Variants in TST observed in about 807,000 individuals in gnomAD.
TST encodes the protein epididymis secretory sperm binding protein.
In TST, 22 loss-of-function variants were observed where a neutral mutation model predicts 20.4. That is an observed-to-expected ratio of 1.08 (90% CI 0.77 to 1.54). The LOEUF is 1.54. TST is among the 40% of genes most tolerant of loss of function. The pLI is 0.00. For missense variants in TST, 392 were observed against 405.2 expected, an observed-to-expected ratio of 0.97 and a Z score of 0.28; for synonymous variants, 187 against 173.8, an observed-to-expected ratio of 1.08 and a Z score of -0.60.
At position 37,018,737 on chromosome 22, in the gene TST, T is replaced by G. The variant is rs776282563; in HGVS notation, c.-5A>C. On this transcript the variant is annotated 5_prime_UTR_variant, in exon 2 of 3. Coordinates refer to ENST00000249042, the MANE Select transcript of TST (RefSeq NM_003312.6). ...GTAGAGCACCTGATGAACCATGGCT[T>G]CAGCTCTGCGTGTCACCTGGCACGG... 1.4e-6 allele frequency: 2 copies of G among 1,479,004 alleles called. No individual in the cohort carries two copies. Among genetic ancestry groups the G allele is most frequent in the Non-Finnish European group, 1.8e-6 (2 of 1,120,918 alleles). 91.6% of individuals were successfully genotyped at this position (1,479,004 alleles called of 1,614,324 possible).
chr22:37,011,427 G>T, intron 2 of TST, 102 bp from the exon 3 acceptor site: 1 of 1,284,208 alleles, frequency 7.8e-7, no homozygotes, highest in Non-Finnish European at 1.1e-6. Flanking sequence ...AGATAGCTTT[G>T]CAAATAAAAA....
intron 2 of TST, among the ~76,000 whole-genome samples, chr22:37,013,801 T>C (rs1409344813): frequency 1.3e-5 from 2 of 151,412 alleles, no homozygotes; most frequent in Non-Finnish European, 1.5e-5. Flanking sequence ...GTTTCCACAG[T>C]GGGCTGGATT....
Position 37,011,188 on chromosome 22 carries a change from T to C in TST, c.733A>G (p.Ile245Val), listed in dbSNP as rs1922462385. 6.2e-7 allele frequency: 1 copy of C among 1,613,800 alleles called. No individual in the cohort carries two copies. The highest frequency in any genetic ancestry group is 8.5e-7 in the Non-Finnish European group (1 of 1,180,004). ...TKKVDLSQPL[I>V]ATCRKGVTAC... is the part of the protein sequence containing the mutation. ...GTGACTCCCTTGCGGCACGTGGCAA[T>C]GAGAGGCTGCGAGAGATCCACCTTC... Residue 245 changes from isoleucine (I) to valine (V), a missense_variant, in exon 3 of 3, where the codon ATT becomes GTT. By Grantham distance (29) the Ile-to-Val change is conservative (BLOSUM62 3). Transcript: ENST00000249042.
At chr22:37,012,965 CTG>C (rs1922535316) in intron 2 of TST, among the ~76,000 whole-genome samples, 1 of 152,054 alleles carries the variant, frequency 6.6e-6, no homozygotes, top group Non-Finnish European at 1.5e-5. Flanking sequence ...ACGCTTGAAC[CTG>C]TGAGGCGGAG....
At chr22:37,013,222 C>T (rs1922546808) in intron 2 of TST, 1 of 152,168 alleles carries the variant, frequency 6.6e-6, no homozygotes, top group South Asian at 2.1e-4. Flanking sequence ...TAGTACAAGT[C>T]GAGTTTGATT....
rs772443293 is a variant in TST, at chr22:37,018,178, T to C, written c.555A>G (p.Gln185=). The C allele has an allele frequency of 1.3e-6, 2 of 1,598,326 alleles. No homozygotes were observed. The highest frequency in any genetic ancestry group is 1.7e-6 in the Non-Finnish European group (2 of 1,170,428). Residue 185 remains glutamine, a synonymous_variant, in exon 2 of 3, where the codon CAA becomes CAG. Coordinates refer to ENST00000249042, the MANE Select transcript of TST (RefSeq NM_003312.6). ...CCGGCTCGGTGCCCAGGAACCGCCCTTGAGACCTTGAATCCACCAGCTGGA... is the reference window on the plus strand; with the variant it reads ...CCGGCTCGGTGCCCAGGAACCGCCCCTGAGACCTTGAATCCACCAGCTGGA... ...KRFQLVDSRS[Q]GRFLGTEPEP...
At position 37,011,327 on chromosome 22, in the gene TST, T is replaced by A; in HGVS notation, c.596-2A>T. On this transcript the variant is annotated splice_acceptor_variant, in intron 2 of 2. Coordinates refer to ENST00000249042, the MANE Select transcript of TST (RefSeq NM_003312.6). LOFTEE classifies it high-confidence loss of function. Reference sequence around the variant, plus strand: ...CACGGATATGGCCCGAGTCCAGTCCTGGGCAGGGCAGAGGACACAGCTTAG... The same window carrying A: ...CACGGATATGGCCCGAGTCCAGTCCAGGGCAGGGCAGAGGACACAGCTTAG... 6.2e-7 allele frequency: 1 copy of A among 1,609,298 alleles called. No individual in the cohort carries two copies. Among genetic ancestry groups the A allele is most frequent in the Non-Finnish European group, 8.5e-7 (1 of 1,176,558 alleles).
At chr22:37,015,020 C>T (rs1174660954) in intron 2 of TST, among the ~76,000 whole-genome samples, 8 of 152,142 alleles carry the variant, frequency 5.3e-5, no homozygotes, top group Admixed American at 5.2e-4. Flanking sequence ...CCGGGAGCCA[C>T]ACCATGGAGC....
chr22:37,019,631 G>C (rs1922892824), upstream of TST: 1 of 296,772 alleles, frequency 3.4e-6, no homozygotes, highest in Non-Finnish European at 6.2e-6. Context: ...GGGGACGCCG[G>C]GTGGCGCGGG....
At chr22:37,018,048 C>T (rs758172534) in intron 2 of TST, 90 bp downstream of exon 2, 62 of 999,098 alleles carry the variant, frequency 6.2e-5, no homozygotes, top group Non-Finnish European at 8.4e-5. Flanking sequence ...AGGCATGGGA[C>T]GGACCCTGGA....
chr22:37,019,822 C>G (rs1348203489), upstream of TST: 7 of 1,193,024 alleles, frequency 5.9e-6, no homozygotes, highest in African/African-American at 1.1e-4. Flanking sequence ...GAGGGGGCGC[C>G]GCGCCGCGGG....
rs1001675143 is a variant in TST at position 37,018,682 on chromosome 22, C to G, written c.51G>C (p.Ala17=). ...CCAGCTTGCCAGTCCTGATGGACTC[C>G]GCCAGCCACTTGGTGGAGACCAGCG... is the stretch of plus-strand genomic sequence containing the variant. ...YRALVSTKWL[A]ESIRTGKLGP... Residue 17 remains alanine (A), a synonymous_variant, in exon 2 of 3, where the codon GCG becomes GCC. Coordinates refer to ENST00000249042, the MANE Select transcript of TST (RefSeq NM_003312.6). 1 of 1,530,104 alleles carries G rather than the reference C, an allele frequency of 6.5e-7. No homozygotes were observed. The highest frequency in any genetic ancestry group is 8.8e-7 in the Non-Finnish European group (1 of 1,140,894). The allele number at this position is 1,530,104 out of a possible 1,614,324, so 94.8% of individuals were successfully genotyped here. A position where few individuals can be genotyped will look rare whatever the true frequency, so the allele number is the denominator to read the frequency against.
In TST at chr22:37,018,179, T is replaced by G. The variant is rs773761737; in HGVS notation, c.554A>C (p.Gln185Pro). ...KRFQLVDSRS[Q>P]GRFLGTEPEP... ...CGGCTCGGTGCCCAGGAACCGCCCTTGAGACCTTGAATCCACCAGCTGGAA... is the reference window on the plus strand; with the variant it reads ...CGGCTCGGTGCCCAGGAACCGCCCTGGAGACCTTGAATCCACCAGCTGGAA... The change falls in exon 2 of 3, where the codon CAA becomes CCA. Residue 185 changes from glutamine (Q) to proline (P), a missense_variant. Physicochemically the swap from Gln to Pro is moderately conservative, Grantham distance 76. Transcript: ENST00000249042. 3.8e-6 allele frequency: 6 copies of G among 1,599,050 alleles called. No homozygotes were observed. The African/African-American group carries it at 6.7e-5, about 18-fold the overall frequency.
intron 2 of TST, among the ~76,000 whole-genome samples, chr22:37,016,187 C>T (rs1246656832): frequency 1.3e-5 from 2 of 151,920 alleles, no homozygotes; most frequent in African/African-American, 4.8e-5. Context: ...GCTCATGATC[C>T]GCCCACCTTG....
chr22:37,018,283 C>T lies in TST; in HGVS notation c.450G>A (p.Pro150=), dbSNP rs762920838. The change falls in exon 2 of 3, where the codon CCG becomes CCA. Residue 150 remains proline, a synonymous_variant. Transcript: ENST00000249042. The part of the protein sequence containing the change: ...PVTSEPSRPE[P]AVFKATLDRS... The stretch of plus-strand genomic sequence containing the variant: ...GGTCCAGTGTGGCTTTGAAGACGGC[C>T]GGTTCTGGGCGTGAGGGCTCGGATG... 4 of 1,614,064 alleles carry T rather than the reference C, an allele frequency of 2.5e-6. No homozygotes were observed. The highest frequency in any genetic ancestry group is 2.2e-5 in the South Asian group (2 of 91,086).
upstream of TST, chr22:37,019,716 G>A: frequency 2.3e-6 from 1 of 425,762 alleles, no homozygotes; most frequent in Non-Finnish European, 3.9e-6. Flanking sequence ...GGCAGCAGCG[G>A]CTCCGAGTGG....
chr22:37,011,777 G>A (rs1601444762), intron 2 of TST, among the ~76,000 whole-genome samples: 1 of 152,204 alleles, frequency 6.6e-6, no homozygotes, highest in East Asian at 1.9e-4. Flanking sequence ...ACACAGCCAG[G>A]CCCTCTGGGA....
intron 2 of TST, 78 bp from the exon 3 acceptor site, chr22:37,011,403 A>G (rs1239634354): frequency 1.4e-5 from 20 of 1,448,008 alleles, no homozygotes; most frequent in Non-Finnish European, 1.8e-5. Context: ...TCCATCAGCT[A>G]TAGCTGGAAG....
At position 37,010,905 on chromosome 22, in the gene TST, G is replaced by T; in HGVS notation, c.*122C>A. ...TTTATTCCAGTGTTGACAGAGAGAGGGTGAGCCTTGCACAGCAATTCTAAA... is the reference window on the plus strand; with the variant it reads ...TTTATTCCAGTGTTGACAGAGAGAGTGTGAGCCTTGCACAGCAATTCTAAA... On this transcript the variant is annotated 3_prime_UTR_variant, in exon 3 of 3. Transcript: ENST00000249042. 7.3e-7 allele frequency: 1 copy of T among 1,368,430 alleles called. No homozygotes were observed. Among genetic ancestry groups the T allele is most frequent in the African/African-American group, 1.4e-5 (1 of 69,116 alleles). 84.8% of individuals were successfully genotyped at this position (1,368,430 alleles called of 1,614,324 possible). A position where few individuals can be genotyped will look rare whatever the true frequency, so the allele number is the denominator to read the frequency against.
Sources: allele counts gnomAD v4.1 joint callset (sites outside exome capture counted in the v4.1 genomes callset), GRCh38; gene constraint gnomAD v4.1.1; transcripts MANE v1.5; gene names NCBI Gene and HGNC (gene_info 2026-07-23, HGNC 2026-07-21).